Variants in SLC12A2 observed in about 807,000 individuals in gnomAD.
SLC12A2 encodes the protein solute carrier family 12 member 2, also known as Na-K-2Cl cotransporter 1.
In SLC12A2, 67 loss-of-function variants were observed where a neutral mutation model predicts 136.3. That is an observed-to-expected ratio of 0.49 (90% confidence interval 0.40 to 0.60). The LOEUF (loss-of-function observed/expected upper bound fraction) is 0.60. Ranked by LOEUF, SLC12A2 falls within the 20% of genes least tolerant of loss-of-function variation. SLC12A2 has a pLI of 0.00. For synonymous variants in SLC12A2, 619 were observed against 562.9 expected, an observed-to-expected ratio of 1.10 and a Z score of -1.41; for missense variants, 1,322 against 1,534.7, an observed-to-expected ratio of 0.86 and a Z score of 2.32.
intron 4 of SLC12A2, among the ~76,000 whole-genome samples, chr5:128,121,385 C>T (rs748088181): frequency 7.2e-5 from 11 of 151,908 alleles, no homozygotes; most frequent in Admixed American, 1.3e-4. Flanking sequence ...TAAAGTGGCA[C>T]GATCTCGGCT....
chr5:128,185,559 T>A (rs527772101), intron 26 of SLC12A2, among the ~76,000 whole-genome samples: 6 of 152,148 alleles, frequency 3.9e-5, no homozygotes, highest in Middle Eastern at 3.4e-3. Flanking sequence ...CTGATGATAA[T>A]CAAATACCTG....
intron 4 of SLC12A2, among the ~76,000 whole-genome samples, chr5:128,121,180 A>G (rs1327815878): frequency 6.6e-6 from 1 of 152,234 alleles, no homozygotes; most frequent in Non-Finnish European, 1.5e-5. Context: ...CTTGTAAACA[A>G]ATGTAATAAT....
At chr5:128,139,650 C>A (rs1762297588) in intron 9 of SLC12A2, among the ~76,000 whole-genome samples, 2 of 152,178 alleles carry the variant, frequency 1.3e-5, no homozygotes, top group South Asian at 4.1e-4. Flanking sequence ...TAAATAAAGT[C>A]TTTAAGGCTA....
chr5:128,166,767 A>G (rs1458455596), intron 17 of SLC12A2, among the ~76,000 whole-genome samples: 1 of 152,082 alleles, frequency 6.6e-6, no homozygotes, highest in African/African-American at 2.4e-5. Flanking sequence ...TATAATTAAT[A>G]CTATTGAATT....
chr5:128,130,023 T>C (rs1268818271), intron 4 of SLC12A2, among the ~76,000 whole-genome samples: 2 of 149,822 alleles, frequency 1.3e-5, no homozygotes, highest in African/African-American at 4.9e-5. Flanking sequence ...TTATATGCTC[T>C]TGTGAGACTT....
At chr5:128,109,055 T>A (rs887339362) in intron 1 of SLC12A2, among the ~76,000 whole-genome samples, 2 of 152,240 alleles carry the variant, frequency 1.3e-5, no homozygotes, top group Non-Finnish European at 2.9e-5. Context: ...TTCCTGGTTA[T>A]CTTAAAATGA....
chr5:128,133,953 C>G (rs1762106003), intron 5 of SLC12A2, among the ~76,000 whole-genome samples: 1 of 152,012 alleles, frequency 6.6e-6, no homozygotes, highest in South Asian at 2.1e-4. Context: ...CATTAATAAT[C>G]ATACATTTAT....
chr5:128,147,088 T>G (rs1762552406), intron 10 of SLC12A2, among the ~76,000 whole-genome samples: 1 of 151,104 alleles, frequency 6.6e-6, no homozygotes, highest in South Asian at 2.1e-4. Context: ...TAACCTTTTT[T>G]TTTTTTTTTT....
intron 23 of SLC12A2, among the ~76,000 whole-genome samples, chr5:128,182,626 CTAAGGAGAG>C (rs1228166014): frequency 6.6e-6 from 1 of 152,058 alleles, no homozygotes; most frequent in Non-Finnish European, 1.5e-5. Context: ...TTACTCAGTG[CTAAGGAGAG>C]ATTCAGAGAA....
rs547817835 is a variant in SLC12A2 at position 128,128,101 on chromosome 5, T to C, written c.1049-2966T>C. ...TTGTGATTTATTTAAAAGTGTGTTA[T>C]GTAATTTAAATATTTAGGGATCTTT... On this transcript the variant is annotated intron_variant, in intron 4 of 26. Transcript: ENST00000262461. Among the ~76,000 whole-genome samples, 58 of 152,314 alleles carry C rather than the reference T, an allele frequency of 3.8e-4. 1 individual carries two copies. In the South Asian group the frequency reaches 0.012, roughly 31 times the overall value.
Position 128,183,384 on chromosome 5 carries a change from T to C in SLC12A2, c.3299+443T>C, listed in dbSNP as rs72794402. Among the ~76,000 whole-genome samples the C allele has an allele frequency of 6.7e-3, 1,026 of 152,214 alleles. 10 individuals are homozygous for C. Among genetic ancestry groups the C allele is most frequent in the Non-Finnish European group, 0.011 (729 of 67,932 alleles). ...ATACAGGTTGTTATAATGATATTTG[T>C]ATTTATTTTACCTGATATAATTTTA... On this transcript the variant is annotated intron_variant, in intron 24 of 26. Transcript: ENST00000262461.
At chr5:128,110,606 C>T in intron 1 of SLC12A2, 1 of 1,060,802 alleles carries the variant, frequency 9.4e-7, no homozygotes, top group Non-Finnish European at 1.5e-6. Flanking sequence ...ATCGTAGCAG[C>T]TTATCACCTG....
At chr5:128,176,962 A>G in intron 20 of SLC12A2, 143 bp from the exon 21 acceptor site, 1 of 495,482 alleles carries the variant, frequency 2.0e-6, no homozygotes, top group Non-Finnish European at 3.4e-6. Flanking sequence ...TGCAGAAAAT[A>G]TTAATCTTCA....
intron 4 of SLC12A2, among the ~76,000 whole-genome samples, chr5:128,130,670 A>ACT (rs1288678603): frequency 3.9e-5 from 6 of 152,034 alleles, no homozygotes; most frequent in African/African-American, 1.4e-4. Context: ...CGACAGTGAA[A>ACT]CTGTTTCTGA....
intron 1 of SLC12A2, among the ~76,000 whole-genome samples, chr5:128,105,921 T>A: frequency 6.6e-6 from 1 of 152,206 alleles, no homozygotes; most frequent in East Asian, 1.9e-4. Context: ...TTTTAACTGC[T>A]GGATAGGACT....
chr5:128,113,346 C>T (rs979511519), intron 2 of SLC12A2, among the ~76,000 whole-genome samples: 1 of 152,084 alleles, frequency 6.6e-6, no homozygotes, highest in African/African-American at 2.4e-5. Flanking sequence ...CATTATATTT[C>T]GAAGAGAAGC....
chr5:128,158,357 A>T (rs1762929472), intron 16 of SLC12A2, among the ~76,000 whole-genome samples, 193 bp downstream of exon 16: 1 of 152,052 alleles, frequency 6.6e-6, no homozygotes, highest in Non-Finnish European at 1.5e-5. Flanking sequence ...CCTCCCACCC[A>T]GTAGCCTCAA....
chr5:128,149,946 A>G (rs1222307013), intron 12 of SLC12A2, 51 bp from the exon 13 acceptor site: 3 of 1,219,700 alleles, frequency 2.5e-6, no homozygotes, highest in African/African-American at 3.0e-5. Flanking sequence ...ATAATTTTAA[A>G]AAGTTAAATG....
rs1763638208 is a variant in SLC12A2 at position 128,179,609 on chromosome 5, G to A, written c.3100+920G>A. Among the ~76,000 whole-genome samples, 3 of 152,230 alleles carry A rather than the reference G, an allele frequency of 2.0e-5. No individual in the cohort carries two copies. In the East Asian group the frequency reaches 5.8e-4, roughly 29 times the overall value. ...ATGGCAGAAGGCAAAGCAGGAACAG[G>A]CACATCACATGATGAAAGCAAGAGT... On this transcript the variant is annotated intron_variant, in intron 22 of 26. Coordinates refer to ENST00000262461, the MANE Select transcript of SLC12A2 (RefSeq NM_001046.3).
Sources: allele counts gnomAD v4.1 joint callset (sites outside exome capture counted in the v4.1 genomes callset), GRCh38; gene constraint gnomAD v4.1.1; transcripts MANE v1.5; gene names NCBI Gene and HGNC (gene_info 2026-07-23, HGNC 2026-07-21).